PCNT: variants seen among roughly 807,000 people sequenced by gnomAD.
The protein encoded by PCNT is kendrin.
PCNT carries 319 observed loss-of-function variants against 380.4 expected under a neutral mutation model. The observed-to-expected ratio is 0.84, with a 90% CI of 0.77 to 0.92. The LOEUF (loss-of-function observed/expected upper bound fraction) is 0.92. PCNT is among the 40% of genes least tolerant of loss of function. PCNT has a pLI of 0.00. For synonymous variants in PCNT, 1,845 were observed against 1,735.2 expected (o/e 1.06, Z -1.57); for missense variants, 4,400 against 4,255.3 (o/e 1.03, Z -0.95).
intron 41 of PCNT, among the ~76,000 whole-genome samples, chr21:46,439,803 G>A (rs576293133): frequency 2.1e-4 from 32 of 152,150 alleles, no homozygotes; most frequent in Non-Finnish European, 3.7e-4. Context: ...ATTTTACAAA[G>A]AATTGGTTTT....
At chr21:46,351,146 C>T (rs559264089) in intron 8 of PCNT, among the ~76,000 whole-genome samples, 4 of 152,294 alleles carry the variant, frequency 2.6e-5, no homozygotes, top group South Asian at 2.1e-4. Flanking sequence ...CCGCTGCGGC[C>T]GGCATGGAAC....
At chr21:46,336,127 C>T (rs1305905099) in intron 3 of PCNT, among the ~76,000 whole-genome samples, 1 of 152,200 alleles carries the variant, frequency 6.6e-6, no homozygotes, top group Non-Finnish European at 1.5e-5. Context: ...CAGGAGCATG[C>T]CACCACGCCT....
intron 10 of PCNT, 45 bp from the exon 11 acceptor site, chr21:46,353,942 A>C (rs752096545): frequency 1.3e-6 from 2 of 1,518,782 alleles, no homozygotes; most frequent in Admixed American, 3.4e-5. Flanking sequence ...CACACATGGA[A>C]AAGGGGTACG....
intron 38 of PCNT, 40 bp from the exon 39 acceptor site, chr21:46,435,864 G>A (rs2053426868): frequency 6.2e-7 from 1 of 1,613,182 alleles, no homozygotes; most frequent in Non-Finnish European, 8.5e-7. Context: ...TTTGGACACT[G>A]ACGTGAACGT....
intron 12 of PCNT, among the ~76,000 whole-genome samples, chr21:46,356,252 T>G (rs527659123): frequency 6.6e-6 from 1 of 152,182 alleles, no homozygotes; most frequent in South Asian, 2.1e-4. Flanking sequence ...CGGGTCCTGC[T>G]GGGAGGTGTG....
chr21:46,355,712 C>T (rs548603208), intron 12 of PCNT, 86 bp downstream of exon 12: 13 of 1,375,252 alleles, frequency 9.5e-6, no homozygotes, highest in Admixed American at 1.9e-5. Flanking sequence ...GGGTTCGATC[C>T]AAGTCCTCCG....
Position 46,422,015 on chromosome 21 carries a change from G to T in PCNT, c.7070G>T (p.Gly2357Val). Reference protein sequence around the residue: ...FGARLSPGSGGPEAQTAGPVT... With the variant: ...FGARLSPGSGVPEAQTAGPVT... ...GCAAGACTGAGCCCGGGGTCAGGAG[G>T]CCCTGAGGCTCAAACTGCTGGTCCT... The change falls in exon 32 of 47, where the codon GGC becomes GTC. Residue 2357 changes from glycine (G) to valine (V), a missense_variant. Physicochemically the swap from Gly to Val is moderately radical, Grantham distance 109. Transcript: ENST00000359568. 1.2e-6 allele frequency: 2 copies of T among 1,614,070 alleles called. No individual in the cohort carries two copies.
At chr21:46,384,420 T>C (rs2085744232) in intron 16 of PCNT, among the ~76,000 whole-genome samples, 2 of 146,404 alleles carry the variant, frequency 1.4e-5, no homozygotes, top group Non-Finnish European at 3.0e-5. Flanking sequence ...GGAAGCGCAT[T>C]CACCATGTTG....
At chr21:46,405,132 A>C (rs1017031890) in intron 27 of PCNT, among the ~76,000 whole-genome samples, 1 of 152,156 alleles carries the variant, frequency 6.6e-6, no homozygotes, top group South Asian at 2.1e-4. Flanking sequence ...ACTCTGAAGG[A>C]TGAGATAGGA....
chr21:46,366,651 G>A lies in PCNT; in HGVS notation c.2677G>A (p.Ala893Thr), dbSNP rs776133593. 3.1e-6 allele frequency: 5 copies of A among 1,613,984 alleles called. No individual in the cohort carries two copies. The South Asian group carries it at 5.5e-5, about 18-fold the overall frequency. Residue 893 changes from alanine (A) to threonine (T), a missense_variant, in exon 15 of 47, where the codon GCC becomes ACC. Transcript: ENST00000359568. ...SAEQDAFLQE[A>T]QEQHARELQL... The stretch of plus-strand genomic sequence containing the variant: ...GGAACAAGATGCCTTCCTGCAGGAG[G>A]CCCAGGAGCAGCATGCCCGTGAGCT...
chr21:46,383,327 C>G (rs1203065883), intron 16 of PCNT, among the ~76,000 whole-genome samples: 34 of 131,952 alleles, frequency 2.6e-4, no homozygotes, highest in African/African-American at 9.6e-4. Context: ...CGTTCAGTGG[C>G]AGAAGCACAT....
Position 46,425,770 on chromosome 21 carries a change from T to C in PCNT, c.7180-61T>C. Reference sequence around the variant, plus strand: ...GGCGGCAGCTCGGGGCCGCAGGTGGTGTAGAGCGTGGCTGTGTGGGGTGGC... The same window carrying C: ...GGCGGCAGCTCGGGGCCGCAGGTGGCGTAGAGCGTGGCTGTGTGGGGTGGC... On this transcript the variant is annotated intron_variant, in intron 32 of 46. Transcript: ENST00000359568. The surrounding 1 kb of genome is among the most constrained non-coding windows in gnomAD (Gnocchi z 4.2). The C allele has an allele frequency of 6.2e-7, 1 of 1,608,878 alleles. No homozygotes were observed. Among genetic ancestry groups the C allele is most frequent in the Non-Finnish European group, 8.5e-7 (1 of 1,178,952 alleles).
At chr21:46,366,095 C>T (rs1038207634) in intron 14 of PCNT, among the ~76,000 whole-genome samples, 5 of 150,318 alleles carry the variant, frequency 3.3e-5, no homozygotes, top group African/African-American at 1.2e-4. Flanking sequence ...AGGTTCTATT[C>T]ATTCACTGCC....
intron 15 of PCNT, among the ~76,000 whole-genome samples, chr21:46,379,528 G>A (rs1373904931): frequency 2.0e-5 from 3 of 152,088 alleles, no homozygotes; most frequent in Non-Finnish European, 2.9e-5. Flanking sequence ...AATTTGGGAG[G>A]TTTTTGGCCG....
chr21:46,375,209 A>G (rs2085297087), intron 15 of PCNT, among the ~76,000 whole-genome samples: 2 of 152,188 alleles, frequency 1.3e-5, no homozygotes, highest in Admixed American at 1.3e-4. Flanking sequence ...AGCTGAGTGC[A>G]GAAGTGAATC....
rs1037107954 is a variant in PCNT, at chr21:46,353,455, G to C, written c.1679+129G>C. The C allele has an allele frequency of 7.3e-6, 6 of 818,222 alleles. No homozygotes were observed. In the Admixed American group the frequency reaches 1.2e-4, roughly 16 times the overall value. The allele number at this position is 818,222 out of a possible 1,614,324, so 50.7% of individuals were successfully genotyped here. ...GGCCTTTTATACAAACACATTTTAT[G>C]GTCCAGATTTAAAAGATGACACAGG... is the stretch of plus-strand genomic sequence containing the variant. On this transcript the variant is annotated intron_variant, in intron 10 of 46. Coordinates refer to ENST00000359568, the MANE Select transcript of PCNT (RefSeq NM_006031.6).
chr21:46,444,093 C>A, intron 45 of PCNT, 145 bp downstream of exon 45: 1 of 871,388 alleles, frequency 1.1e-6, no homozygotes, highest in Non-Finnish European at 1.7e-6. Flanking sequence ...CCGTGAGGGC[C>A]AAGAAGTCCC....
chr21:46,421,888 C>T, intron 31 of PCNT, 82 bp from the exon 32 acceptor site: 2 of 1,514,294 alleles, frequency 1.3e-6, no homozygotes, highest in Non-Finnish European at 9.1e-7. Flanking sequence ...GGCCGATCAC[C>T]CCTGTCCTGC....
intron 21 of PCNT, among the ~76,000 whole-genome samples, chr21:46,395,886 G>A (rs912996982): frequency 7.7e-4 from 87 of 113,428 alleles, no homozygotes; most frequent in African/African-American, 1.3e-3. Flanking sequence ...ATAATAAAAT[G>A]GAGACTTCAG....
Sources: gnomAD v4.1 joint callset for allele counts (sites outside exome capture counted in the v4.1 genomes callset) on GRCh38, gnomAD v4.1.1 for gene constraint, Gnocchi (gnomAD v3.1) non-coding constraint, MANE v1.5 for transcripts, NCBI Gene and HGNC (gene_info 2026-07-23, HGNC 2026-07-21) for gene names.